The following ARL15 variants were observed in gnomAD, a reference collection of about 807,000 sequenced individuals.
ARL15 encodes the protein ADP-ribosylation factor-like protein 15.
A neutral mutation model predicts 25.2 loss-of-function variants in ARL15; 19 were observed. The ratio of observed to expected loss-of-function variants is 0.75; its 90% CI spans 0.53 to 1.10. The LOEUF is 1.10. Among genes scored for constraint, ARL15 ranks in the 50% least tolerant of loss-of-function variants. ARL15 has a pLI of 0.00. For missense variants in ARL15, 220 were observed against 246.0 expected, an observed-to-expected ratio of 0.89 and a Z score of 0.71; for synonymous variants, 94 against 86.8, an observed-to-expected ratio of 1.08 and a Z score of -0.46.
chr5:54,098,128 T>G (rs1479148429), intron 4 of ARL15, among the ~76,000 whole-genome samples: 6 of 152,150 alleles, frequency 3.9e-5, no homozygotes, highest in African/African-American at 1.4e-4. Context: ...AATTATTTCA[T>G]AAATATCTGT....
At chr5:53,922,743 A>T (rs756959319) in intron 4 of ARL15, among the ~76,000 whole-genome samples, 2 of 152,192 alleles carry the variant, frequency 1.3e-5, no homozygotes, top group Non-Finnish European at 2.9e-5. Context: ...ATATTGCTTG[A>T]CTTGTGAACA....
chr5:54,296,383 C>T (rs1758466725), intron 1 of ARL15, among the ~76,000 whole-genome samples: 1 of 152,104 alleles, frequency 6.6e-6, no homozygotes, highest in Non-Finnish European at 1.5e-5. Flanking sequence ...ATCATTACAC[C>T]CACTTTGCAT....
intron 3 of ARL15, among the ~76,000 whole-genome samples, chr5:54,144,918 A>G (rs1220614286): frequency 1.3e-5 from 2 of 152,210 alleles, no homozygotes; most frequent in African/African-American, 2.4e-5. Context: ...GTGGAGCTCC[A>G]ATTAATAACT....
rs185748806 is a variant in ARL15, at chr5:54,124,133, T to C, written c.254-10723A>G. Reference sequence around the variant, plus strand: ...ACTATATTTGCCTGAGGACAGAGAATAGGCTACATGAGAAGAGACATTTAT... The same window carrying C: ...ACTATATTTGCCTGAGGACAGAGAACAGGCTACATGAGAAGAGACATTTAT... On this transcript the variant is annotated intron_variant, in intron 3 of 4. Coordinates refer to ENST00000504924, the MANE Select transcript of ARL15 (RefSeq NM_019087.3). 8.5e-5 allele frequency among the ~76,000 whole-genome samples: 13 copies of C among 152,268 alleles called. No individual in the cohort carries two copies. In the East Asian group the frequency reaches 2.5e-3, roughly 29 times the overall value.
intron 3 of ARL15, among the ~76,000 whole-genome samples, chr5:54,126,029 AT>A (rs966273665): frequency 1.3e-4 from 19 of 151,950 alleles, no homozygotes; most frequent in Non-Finnish European, 2.5e-4. Flanking sequence ...TACTGCAGAG[AT>A]TTTTTTTAAA....
chr5:54,192,109 T>C (rs1755421560), intron 1 of ARL15, among the ~76,000 whole-genome samples: 1 of 152,124 alleles, frequency 6.6e-6, no homozygotes, highest in African/African-American at 2.4e-5. Flanking sequence ...CACTTGCCAT[T>C]CCCTCTGCTT....
chr5:54,213,564 G>C (rs557203891), intron 1 of ARL15, among the ~76,000 whole-genome samples: 1 of 152,168 alleles, frequency 6.6e-6, no homozygotes, highest in Non-Finnish European at 1.5e-5. Flanking sequence ...TCTTTTAGCA[G>C]TTTGAGGAAA....
chr5:53,962,769 A>G (rs1012198644), intron 4 of ARL15, among the ~76,000 whole-genome samples: 6 of 152,204 alleles, frequency 3.9e-5, no homozygotes, highest in Non-Finnish European at 8.8e-5. Context: ...AAAATTTTGA[A>G]TTTTAAATTA....
At chr5:53,912,840 C>T (rs145851519) in intron 4 of ARL15, among the ~76,000 whole-genome samples, 4 of 152,284 alleles carry the variant, frequency 2.6e-5, no homozygotes, top group East Asian at 3.9e-4. Flanking sequence ...AAAGATAGAG[C>T]GGTGAACAAA....
At chr5:54,101,580 A>G (rs1752439923) in intron 4 of ARL15, among the ~76,000 whole-genome samples, 1 of 152,172 alleles carries the variant, frequency 6.6e-6, no homozygotes, top group African/African-American at 2.4e-5. Context: ...TATTAGCTTA[A>G]AACTGTATTA....
At chr5:54,254,896 T>A (rs1561284663) in intron 1 of ARL15, among the ~76,000 whole-genome samples, 1 of 152,262 alleles carries the variant, frequency 6.6e-6, no homozygotes. Context: ...CTCTCCTTTC[T>A]GCTTTGGACA....
intron 4 of ARL15, among the ~76,000 whole-genome samples, chr5:54,029,394 T>C (rs930199517): frequency 2.7e-5 from 3 of 112,958 alleles, no homozygotes; most frequent in African/African-American, 1.0e-4. Context: ...TAGAGAAGCA[T>C]GCTAAAGAGA....
At chr5:53,935,460 C>A (rs1246491023) in intron 4 of ARL15, among the ~76,000 whole-genome samples, 3 of 152,224 alleles carry the variant, frequency 2.0e-5, no homozygotes, top group African/African-American at 7.2e-5. Context: ...TAGCACACAT[C>A]ATTCTGTTTC....
intron 4 of ARL15, among the ~76,000 whole-genome samples, chr5:54,089,993 A>G (rs1752085310): frequency 6.6e-6 from 1 of 152,198 alleles, no homozygotes; most frequent in Non-Finnish European, 1.5e-5. Flanking sequence ...GGAAATTCTT[A>G]TCTACTCTGG....
chr5:53,999,308 G>T (rs1204572373), intron 4 of ARL15, among the ~76,000 whole-genome samples: 1 of 152,228 alleles, frequency 6.6e-6, no homozygotes, highest in Non-Finnish European at 1.5e-5. Flanking sequence ...TAAGTGGAAG[G>T]CCGGGCGTGG....
intron 2 of ARL15, among the ~76,000 whole-genome samples, chr5:54,157,271 T>TTTCTTTTG (rs1480999050): frequency 1.3e-5 from 2 of 152,252 alleles, no homozygotes; most frequent in African/African-American, 4.8e-5. Flanking sequence ...ATGTGCAAAA[T>TTTCTTTTG]ACAACTTTTG....
At chr5:54,087,229 C>G (rs35748083) in intron 4 of ARL15, among the ~76,000 whole-genome samples, 1 of 151,654 alleles carries the variant, frequency 6.6e-6, no homozygotes, top group Non-Finnish European at 1.5e-5. Context: ...TCGGGAGGCT[C>G]AGGCATGAGA....
chr5:54,085,674 A>C (rs570575922), intron 4 of ARL15, among the ~76,000 whole-genome samples: 1 of 152,272 alleles, frequency 6.6e-6, no homozygotes, highest in African/African-American at 2.4e-5. Flanking sequence ...TTATTGCAAA[A>C]TTTATTAGGC....
chr5:54,224,366 G>A (rs1756461607), intron 1 of ARL15, among the ~76,000 whole-genome samples: 2 of 152,164 alleles, frequency 1.3e-5, no homozygotes, highest in Admixed American at 6.5e-5. Context: ...AACTGATGGA[G>A]GGAAGAAGGA....
Sources: allele counts gnomAD v4.1 joint callset (sites outside exome capture counted in the v4.1 genomes callset), GRCh38; gene constraint gnomAD v4.1.1; transcripts MANE v1.5; gene names NCBI Gene and HGNC (gene_info 2026-07-23, HGNC 2026-07-21).